Variants in PGCKA1 observed in about 807,000 individuals in gnomAD.
The protein encoded by PGCKA1 is PDCD10 and GCKIII kinases associated 1, also known as PDCD10 and GCKIII kinases-associated protein 1.
the PGCKA1 span, among the ~76,000 whole-genome samples, chr4:37,454,979 C>A: frequency 3.3e-5 from 5 of 152,156 alleles, no homozygotes. Context: ...AAGAATAGGG[C>A]GTTTATTTTC....
the PGCKA1 span, among the ~76,000 whole-genome samples, chr4:37,587,461 C>A: frequency 6.6e-6 from 1 of 152,006 alleles, no homozygotes; most frequent in Non-Finnish European, 1.5e-5. Context: ...ACTAAGCAAC[C>A]AATCTGTACT....
the PGCKA1 span, among the ~76,000 whole-genome samples, chr4:37,467,721 T>C: frequency 6.6e-6 from 1 of 152,260 alleles, no homozygotes; most frequent in Non-Finnish European, 1.5e-5. Context: ...ACTCACTGTA[T>C]CTGTGAATAA....
the PGCKA1 span, among the ~76,000 whole-genome samples, chr4:37,587,482 C>T: frequency 6.6e-6 from 1 of 152,098 alleles, no homozygotes; most frequent in East Asian, 1.9e-4. Context: ...TCTTAAAAAG[C>T]ACCAGTCATA....
the PGCKA1 span, among the ~76,000 whole-genome samples, chr4:37,542,278 G>T: frequency 3.6e-3 from 548 of 152,226 alleles, 5 homozygotes; most frequent in African/African-American, 0.013. Flanking sequence ...CCGACTTTTG[G>T]TCACCAGCAG....
chr4:37,548,969 A>G, the PGCKA1 span, among the ~76,000 whole-genome samples: 1 of 152,204 alleles, frequency 6.6e-6, no homozygotes, highest in East Asian at 1.9e-4. Context: ...TCGACCAGGC[A>G]TGGGCTGCAT....
the PGCKA1 span, among the ~76,000 whole-genome samples, chr4:37,464,299 C>T: frequency 1.3e-5 from 2 of 152,180 alleles, no homozygotes; most frequent in African/African-American, 4.8e-5. Context: ...GGACTCTCAT[C>T]GGGTTTGAAT....
the PGCKA1 span, among the ~76,000 whole-genome samples, chr4:37,455,570 G>A: frequency 6.6e-6 from 1 of 152,162 alleles, no homozygotes; most frequent in Non-Finnish European, 1.5e-5. Flanking sequence ...TGGCTCCGGA[G>A]ATTTAGATAA....
At chr4:37,568,856 G>GTTA in the PGCKA1 span, among the ~76,000 whole-genome samples, 1 of 152,122 alleles carries the variant, frequency 6.6e-6, no homozygotes, top group Non-Finnish European at 1.5e-5. Context: ...TCACAAACTC[G>GTTA]TTTTGCAGAT....
the PGCKA1 span, among the ~76,000 whole-genome samples, chr4:37,493,520 C>G: frequency 6.6e-6 from 1 of 152,154 alleles, no homozygotes. Flanking sequence ...TGCCACTCCA[C>G]TGAGAAGCAG....
At chr4:37,461,439 C>G in the PGCKA1 span, among the ~76,000 whole-genome samples, 1 of 151,956 alleles carries the variant, frequency 6.6e-6, no homozygotes, top group Non-Finnish European at 1.5e-5. Context: ...ATTGATCCTT[C>G]CTATCCATGA....
At chr4:37,510,880 A>G in the PGCKA1 span, among the ~76,000 whole-genome samples, 2 of 151,836 alleles carry the variant, frequency 1.3e-5, no homozygotes, top group Admixed American at 6.6e-5. Context: ...TCTACCTGGT[A>G]TTCTATTCTA....
chr4:37,584,705 T>C, the PGCKA1 span, among the ~76,000 whole-genome samples: 26 of 152,150 alleles, frequency 1.7e-4, no homozygotes, highest in African/African-American at 5.3e-4. Context: ...AAGGCGGGGA[T>C]GGAGGGTGCC....
chr4:37,528,491 A>G, the PGCKA1 span, among the ~76,000 whole-genome samples: 1 of 152,210 alleles, frequency 6.6e-6, no homozygotes, highest in Non-Finnish European at 1.5e-5. Flanking sequence ...TGGGATGACA[A>G]GCCTTTGGGG....
chr4:37,533,514 G>C, the PGCKA1 span, among the ~76,000 whole-genome samples: 1 of 152,184 alleles, frequency 6.6e-6, no homozygotes, highest in African/African-American at 2.4e-5. Context: ...CATTGCAGAA[G>C]GTGGGGCTGC....
At chr4:37,465,708 A>G in the PGCKA1 span, among the ~76,000 whole-genome samples, 1 of 152,134 alleles carries the variant, frequency 6.6e-6, no homozygotes. Context: ...GAGGATAAAG[A>G]AACCATCCTC....
the PGCKA1 span, among the ~76,000 whole-genome samples, chr4:37,529,903 A>C: frequency 2.0e-5 from 3 of 152,144 alleles, no homozygotes; most frequent in Non-Finnish European, 4.4e-5. Context: ...AACCTATAAG[A>C]TAGGTATTAT....
chr4:37,525,227 A>G, the PGCKA1 span, among the ~76,000 whole-genome samples: 1 of 152,212 alleles, frequency 6.6e-6, no homozygotes, highest in Admixed American at 6.5e-5. Context: ...CAACCTGGTA[A>G]GTAGGTATTG....
chr4:37,478,674 A>C, the PGCKA1 span, among the ~76,000 whole-genome samples: 2 of 152,316 alleles, frequency 1.3e-5, no homozygotes, highest in East Asian at 3.9e-4. Context: ...TGGTCAAGGA[A>C]ATTAAATTGA....
the PGCKA1 span, among the ~76,000 whole-genome samples, chr4:37,468,464 G>A: frequency 6.6e-6 from 1 of 152,212 alleles, no homozygotes; most frequent in Non-Finnish European, 1.5e-5. Flanking sequence ...GCAAAGGGCT[G>A]TGTTAGGATC....
Sources: allele counts gnomAD v4.1 joint callset (sites outside exome capture counted in the v4.1 genomes callset), GRCh38; gene constraint gnomAD v4.1.1; transcripts MANE v1.5; gene names NCBI Gene and HGNC (gene_info 2026-07-23, HGNC 2026-07-21).